The following WWOX variants were observed in gnomAD, a reference collection of about 807,000 sequenced individuals.
The protein encoded by WWOX is WW domain containing oxidoreductase.
A neutral mutation model predicts 46.2 loss-of-function variants in WWOX; 69 were observed. The ratio of observed to expected loss-of-function variants is 1.49; its 90% CI spans 1.23 to 1.82. The LOEUF is 1.82. Ranked by LOEUF, WWOX falls within the 40% of genes most tolerant of loss-of-function variation. WWOX has a pLI of 0.00. For missense variants in WWOX, 919 were observed against 542.6 expected (o/e 1.69, Z -6.89); for synonymous variants, 359 against 202.6 (o/e 1.77, Z -6.56).
At chr16:78,581,002 G>A (rs940658353) in intron 8 of WWOX, among the ~76,000 whole-genome samples, 7 of 152,130 alleles carry the variant, frequency 4.6e-5, no homozygotes, top group Non-Finnish European at 7.3e-5. Flanking sequence ...AAGTATATCT[G>A]TGAACTTATT....
chr16:78,878,017 C>T (rs117585302), intron 8 of WWOX, among the ~76,000 whole-genome samples: 1,763 of 152,302 alleles, frequency 0.012, 24 homozygotes, highest in Middle Eastern at 0.024. Context: ...TAGCAGGTCC[C>T]TTCTCTTTGC....
intron 8 of WWOX, among the ~76,000 whole-genome samples, chr16:79,198,022 C>T (rs74508769): frequency 1.3e-5 from 2 of 152,092 alleles, no homozygotes; most frequent in Non-Finnish European, 2.9e-5. Flanking sequence ...ATCTGAGGAA[C>T]AAGAGCAGCT....
intron 8 of WWOX, among the ~76,000 whole-genome samples, chr16:79,190,546 C>T (rs1214696887): frequency 6.6e-6 from 1 of 152,140 alleles, no homozygotes; most frequent in African/African-American, 2.4e-5. Flanking sequence ...CTTCACGTTT[C>T]CAACTTGGAT....
rs562101679 is a variant in WWOX at position 78,116,095 on chromosome 16, A to T, written c.409+941A>T. The stretch of plus-strand genomic sequence containing the variant: ...CAGGGATGCAATGTGAAATAGTCAC[A>T]TCATGGAGAATGGGGTATCCATCCC... On this transcript the variant is annotated intron_variant, in intron 4 of 8. Coordinates refer to ENST00000566780, the MANE Select transcript of WWOX (RefSeq NM_016373.4). Among the ~76,000 whole-genome samples the T allele has an allele frequency of 6.6e-5, 10 of 152,332 alleles. No individual in the cohort carries two copies. The South Asian group carries it at 1.9e-3, about 28-fold the overall frequency.
chr16:78,619,686 C>T (rs1341383635), intron 8 of WWOX, among the ~76,000 whole-genome samples: 1 of 151,750 alleles, frequency 6.6e-6, no homozygotes, highest in Non-Finnish European at 1.5e-5. Flanking sequence ...AGGAGGGTCA[C>T]TTGAGCCCAG....
At chr16:78,885,813 T>G (rs1478796353) in intron 8 of WWOX, among the ~76,000 whole-genome samples, 2 of 152,170 alleles carry the variant, frequency 1.3e-5, no homozygotes, top group East Asian at 3.8e-4. Context: ...TACTTAAGTC[T>G]ATATATTAAA....
intron 8 of WWOX, among the ~76,000 whole-genome samples, chr16:79,199,459 G>A (rs1020486240): frequency 7.9e-5 from 12 of 152,156 alleles, no homozygotes; most frequent in African/African-American, 2.4e-4. Flanking sequence ...AAAGACACAC[G>A]AATCTCTTAG....
intron 6 of WWOX, among the ~76,000 whole-genome samples, chr16:78,413,211 G>A (rs147774952): frequency 8.6e-4 from 131 of 152,242 alleles, no homozygotes; most frequent in African/African-American, 3.1e-3. Context: ...TTCAGGGATC[G>A]GAGTCTTTAA....
intron 6 of WWOX, among the ~76,000 whole-genome samples, chr16:78,421,396 C>G (rs1015460163): frequency 9.9e-5 from 15 of 152,186 alleles, no homozygotes; most frequent in African/African-American, 3.6e-4. Flanking sequence ...ATCTCCTTCT[C>G]TGTGGGTGTT....
chr16:78,407,701 C>T (rs532542286), intron 6 of WWOX, among the ~76,000 whole-genome samples: 4 of 152,284 alleles, frequency 2.6e-5, no homozygotes, highest in South Asian at 2.1e-4. Context: ...TCAACTTCTT[C>T]CCTCCAGCTT....
At chr16:78,667,666 G>A (rs1412938761) in intron 8 of WWOX, among the ~76,000 whole-genome samples, 6 of 95,798 alleles carry the variant, frequency 6.3e-5, no homozygotes, top group African/African-American at 1.1e-4. Context: ...GTGAGACTCC[G>A]TCTCAAAAAA....
At chr16:79,090,851 C>T (rs115012850) in intron 8 of WWOX, among the ~76,000 whole-genome samples, 3 of 152,234 alleles carry the variant, frequency 2.0e-5, no homozygotes, top group South Asian at 4.1e-4. Flanking sequence ...TGGAGTGCAG[C>T]GGCATGATCT....
intron 8 of WWOX, among the ~76,000 whole-genome samples, chr16:78,658,281 C>T (rs964106162): frequency 2.6e-5 from 4 of 152,258 alleles, no homozygotes; most frequent in African/African-American, 9.6e-5. Context: ...AAGTAATGAA[C>T]AAGAAAGTAT....
chr16:79,195,983 C>G (rs1370364223), intron 8 of WWOX, among the ~76,000 whole-genome samples: 1 of 152,200 alleles, frequency 6.6e-6, no homozygotes, highest in African/African-American at 2.4e-5. Flanking sequence ...AAATATTCTT[C>G]TGTTAGTGGG....
chr16:78,402,139 C>T (rs541918017), intron 6 of WWOX, among the ~76,000 whole-genome samples: 3 of 152,314 alleles, frequency 2.0e-5, no homozygotes, highest in East Asian at 3.9e-4. Flanking sequence ...TATTTTCCAT[C>T]GCTACTTCCT....
chr16:79,013,421 C>A (rs1002215676), intron 8 of WWOX, among the ~76,000 whole-genome samples: 1 of 152,130 alleles, frequency 6.6e-6, no homozygotes, highest in Non-Finnish European at 1.5e-5. Context: ...TTTTATCTTC[C>A]CTGGAGTTAT....
intron 5 of WWOX, among the ~76,000 whole-genome samples, chr16:78,271,950 C>G (rs1426546934): frequency 6.6e-6 from 1 of 152,126 alleles, no homozygotes; most frequent in Non-Finnish European, 1.5e-5. Context: ...CCAGGTCAGG[C>G]AGATGGAGGT....
intron 8 of WWOX, among the ~76,000 whole-genome samples, chr16:78,830,146 C>T (rs1371561325): frequency 1.3e-5 from 2 of 152,026 alleles, no homozygotes; most frequent in East Asian, 3.9e-4. Flanking sequence ...ACTTCTGCAA[C>T]AGCAGCAGCA....
At chr16:78,451,022 A>G (rs1435301424) in intron 8 of WWOX, among the ~76,000 whole-genome samples, 1 of 152,176 alleles carries the variant, frequency 6.6e-6, no homozygotes, top group Non-Finnish European at 1.5e-5. Context: ...CTAACCCGGA[A>G]GAGTCTTTCT....
Sources: allele counts gnomAD v4.1 joint callset (sites outside exome capture counted in the v4.1 genomes callset), GRCh38; gene constraint gnomAD v4.1.1; transcripts MANE v1.5; gene names NCBI Gene and HGNC (gene_info 2026-07-23, HGNC 2026-07-21).